The following ADAMTSL1 variants were observed in gnomAD, a reference collection of about 807,000 sequenced individuals.
ADAMTSL1 encodes ADAMTS-like protein 1.
ADAMTSL1 carries 126 observed loss-of-function variants against 201.8 expected under a neutral mutation model. That is an observed-to-expected ratio of 0.62 (90% CI 0.54 to 0.72). The LOEUF (loss-of-function observed/expected upper bound fraction) is 0.72, where lower values mean the gene tolerates loss of function less well. Ranked by LOEUF, ADAMTSL1 falls within the 30% of genes least tolerant of loss-of-function variation. The probability of loss-of-function intolerance (pLI) is 0.00; values close to 1 mark genes in which losing one functional copy is unlikely to be tolerated. For missense variants in ADAMTSL1, 2,679 were observed against 2,277.8 expected (o/e 1.18, Z -3.59); for synonymous variants, 1,121 against 903.4 (o/e 1.24, Z -4.32).
intron 1 of ADAMTSL1, among the ~76,000 whole-genome samples, chr9:18,048,838 GGGCTGCT>G (rs1821789984): frequency 6.6e-6 from 1 of 152,102 alleles, no homozygotes; most frequent in Non-Finnish European, 1.5e-5. Flanking sequence ...CTATTACTCA[GGGCTGCT>G]ATGGCAAAGT....
chr9:17,946,350 T>C (rs1205362262), intron 1 of ADAMTSL1, among the ~76,000 whole-genome samples: 1 of 152,056 alleles, frequency 6.6e-6, no homozygotes. Flanking sequence ...TACTCAGGTA[T>C]CTAAGTCCAA....
intron 3 of ADAMTSL1, among the ~76,000 whole-genome samples, chr9:18,545,135 A>G (rs1587518587): frequency 6.6e-6 from 1 of 152,190 alleles, no homozygotes; most frequent in African/African-American, 2.4e-5. Context: ...GAGAAGAATT[A>G]GTATATTTGG....
intron 2 of ADAMTSL1, among the ~76,000 whole-genome samples, chr9:18,230,252 T>C (rs1830599657): frequency 6.6e-6 from 1 of 152,158 alleles, no homozygotes; most frequent in South Asian, 2.1e-4. Flanking sequence ...CTATTTGCTT[T>C]CTATTCTGAA....
intron 2 of ADAMTSL1, among the ~76,000 whole-genome samples, chr9:18,353,243 C>A (rs1031361673): frequency 2.0e-5 from 3 of 152,186 alleles, no homozygotes; most frequent in Non-Finnish European, 2.9e-5. Flanking sequence ...GTAGTAGCAG[C>A]AGTGGTAAAG....
chr9:18,156,821 G>A (rs1478925963), intron 1 of ADAMTSL1, among the ~76,000 whole-genome samples: 2 of 152,172 alleles, frequency 1.3e-5, no homozygotes, highest in Non-Finnish European at 2.9e-5. Flanking sequence ...TATCAGCAAT[G>A]CTTTCTGAAG....
At chr9:18,852,786 A>T (rs960994927) in intron 23 of ADAMTSL1, among the ~76,000 whole-genome samples, 16 of 152,236 alleles carry the variant, frequency 1.1e-4, no homozygotes, top group African/African-American at 3.9e-4. Flanking sequence ...ACTGACCCTC[A>T]GGACTGATTT....
At chr9:18,644,363 G>A (rs1055698336) in intron 7 of ADAMTSL1, among the ~76,000 whole-genome samples, 16 of 148,878 alleles carry the variant, frequency 1.1e-4, no homozygotes, top group Non-Finnish European at 2.4e-4. Flanking sequence ...TATCTCCATG[G>A]AATTTTATTT....
intron 1 of ADAMTSL1, among the ~76,000 whole-genome samples, chr9:17,931,132 A>T (rs570376864): frequency 2.4e-4 from 36 of 152,320 alleles, no homozygotes; most frequent in African/African-American, 7.5e-4. Flanking sequence ...TTCATAATAC[A>T]ACAAGGCAAT....
rs535792640 is a variant in ADAMTSL1, at chr9:18,875,877, A to G, written c.4250-11954A>G. On this transcript the variant is annotated intron_variant, in intron 23 of 28. Coordinates refer to ENST00000380548, the MANE Select transcript of ADAMTSL1 (RefSeq NM_001040272.6). Reference sequence around the variant, plus strand: ...CTCCACAATTATTATGTTGCCATCTATCTCATTACTTAAGTCTGGTAATGA... The same window carrying G: ...CTCCACAATTATTATGTTGCCATCTGTCTCATTACTTAAGTCTGGTAATGA... Among the ~76,000 whole-genome samples the G allele has an allele frequency of 5.3e-5, 8 of 152,322 alleles. No individual in the cohort carries two copies. The South Asian group carries it at 1.7e-3, about 32-fold the overall frequency.
At chr9:18,244,543 C>T (rs1340133876) in intron 2 of ADAMTSL1, among the ~76,000 whole-genome samples, 1 of 152,036 alleles carries the variant, frequency 6.6e-6, no homozygotes, top group Non-Finnish European at 1.5e-5. Flanking sequence ...CTTGTCCTTG[C>T]TTCCTCCTCT....
At chr9:18,314,375 A>G (rs564095006) in intron 2 of ADAMTSL1, among the ~76,000 whole-genome samples, 5 of 152,092 alleles carry the variant, frequency 3.3e-5, no homozygotes, top group Non-Finnish European at 7.4e-5. Flanking sequence ...CCTTGCAGTG[A>G]GTGTTACAGT....
chr9:18,081,745 T>G (rs1823507950), intron 1 of ADAMTSL1, among the ~76,000 whole-genome samples: 1 of 152,244 alleles, frequency 6.6e-6, no homozygotes, highest in African/African-American at 2.4e-5. Context: ...TGTCTATTTA[T>G]ATTTTGATTA....
chr9:18,519,813 G>A (rs1475954145), intron 2 of ADAMTSL1, among the ~76,000 whole-genome samples: 3 of 152,182 alleles, frequency 2.0e-5, no homozygotes, highest in Admixed American at 6.5e-5. Context: ...GATTTTTTGA[G>A]CAGTATGTTC....
chr9:18,442,963 T>A (rs1359317558), intron 2 of ADAMTSL1, among the ~76,000 whole-genome samples: 4 of 152,206 alleles, frequency 2.6e-5, no homozygotes, highest in Non-Finnish European at 5.9e-5. Context: ...TGGTTCCGGC[T>A]CCTTCCATGC....
intron 1 of ADAMTSL1, among the ~76,000 whole-genome samples, chr9:18,487,701 A>C (rs961273894): frequency 2.0e-5 from 3 of 152,166 alleles, no homozygotes; most frequent in Non-Finnish European, 4.4e-5. Context: ...GAATTTCCTA[A>C]CTTTTCATGT....
chr9:18,880,923 A>C (rs1828488475), intron 23 of ADAMTSL1, among the ~76,000 whole-genome samples: 1 of 152,186 alleles, frequency 6.6e-6, no homozygotes, highest in South Asian at 2.1e-4. Context: ...TTTCTGGATA[A>C]CTTGCTGCTT....
chr9:18,401,282 A>T (rs1817973822), intron 2 of ADAMTSL1, among the ~76,000 whole-genome samples: 1 of 152,206 alleles, frequency 6.6e-6, no homozygotes, highest in African/African-American at 2.4e-5. Context: ...ACCAAGTGAC[A>T]TAGGCTTTTA....
intron 1 of ADAMTSL1, among the ~76,000 whole-genome samples, chr9:17,967,543 A>G (rs924046335): frequency 4.6e-5 from 7 of 152,132 alleles, no homozygotes; most frequent in Non-Finnish European, 7.4e-5. Flanking sequence ...GTAAAATACC[A>G]TTACACCAAC....
At chr9:17,942,142 C>G (rs1827262715) in intron 1 of ADAMTSL1, among the ~76,000 whole-genome samples, 1 of 151,916 alleles carries the variant, frequency 6.6e-6, no homozygotes, top group Non-Finnish European at 1.5e-5. Context: ...TAGAAGTTAC[C>G]AGAGGCAGGG....
Sources: gnomAD v4.1 joint callset for allele counts (sites outside exome capture counted in the v4.1 genomes callset) on GRCh38, gnomAD v4.1.1 for gene constraint, MANE v1.5 for transcripts, NCBI Gene and HGNC (gene_info 2026-07-23, HGNC 2026-07-21) for gene names.